The following USP47 variants were observed in gnomAD, a reference collection of about 807,000 sequenced individuals.
The protein encoded by USP47 is ubiquitin carboxyl-terminal hydrolase 47.
USP47 carries 35 observed loss-of-function variants against 165.1 expected under a neutral mutation model. The observed-to-expected ratio is 0.21, with a 90% CI of 0.16 to 0.28. The LOEUF is 0.28. USP47 is among the 10% of genes least tolerant of loss of function. The pLI is 1.00. For missense variants in USP47, 1,277 were observed against 1,607.4 expected, an observed-to-expected ratio of 0.79 and a Z score of 3.52; for synonymous variants, 531 against 544.5, an observed-to-expected ratio of 0.98 and a Z score of 0.35.
At chr11:11,932,604 A>C (rs1048333946) in intron 14 of USP47, among the ~76,000 whole-genome samples, 1 of 152,194 alleles carries the variant, frequency 6.6e-6, no homozygotes, top group African/African-American at 2.4e-5. Flanking sequence ...GATGATATTA[A>C]TAAGCTGAAG....
intron 1 of USP47, among the ~76,000 whole-genome samples, chr11:11,852,416 G>C (rs566750077): frequency 2.0e-5 from 3 of 152,122 alleles, no homozygotes; most frequent in African/African-American, 7.2e-5. Flanking sequence ...ATTTTTGCCA[G>C]GGGGTGCTTT....
chr11:11,920,395 C>T lies in USP47; in HGVS notation c.1119C>T (p.Phe373=), dbSNP rs1853743530. The change falls in exon 10 of 28, where the codon TTC becomes TTT. Residue 373 remains phenylalanine, a synonymous_variant. Transcript: ENST00000527733. ...TGCTGACCTTACAGCTGAAAAGATTCGATTTTGATTATACAACCATGCATA... is the reference window on the plus strand; with the variant it reads ...TGCTGACCTTACAGCTGAAAAGATTTGATTTTGATTATACAACCATGCATA... ...PYLLTLQLKR[F]DFDYTTMHRI... The T allele has an allele frequency of 4.3e-6, 7 of 1,610,804 alleles. No individual in the cohort carries two copies. The highest frequency in any genetic ancestry group is 1.1e-5 in the South Asian group (1 of 90,686).
chr11:11,891,907 G>T, intron 3 of USP47, 61 bp from the exon 4 acceptor site: 2 of 1,560,294 alleles, frequency 1.3e-6, no homozygotes, highest in South Asian at 1.2e-5. Flanking sequence ...AGGAAATGGT[G>T]AATGCTGTTG....
At chr11:11,920,595 T>A in intron 10 of USP47, 101 bp downstream of exon 10, 1 of 1,087,958 alleles carries the variant, frequency 9.2e-7, no homozygotes. Context: ...TCATTTGGAC[T>A]GTCTTCTTGA....
At chr11:11,911,310 C>T (rs1455798241) in intron 8 of USP47, among the ~76,000 whole-genome samples, 1 of 152,002 alleles carries the variant, frequency 6.6e-6, no homozygotes, top group Non-Finnish European at 1.5e-5. Context: ...TCATTAAAGT[C>T]CTGAAAGGAG....
chr11:11,914,572 G>C (rs1564877313), intron 8 of USP47, among the ~76,000 whole-genome samples: 1 of 152,064 alleles, frequency 6.6e-6, no homozygotes, highest in Non-Finnish European at 1.5e-5. Flanking sequence ...TTTACTCTCT[G>C]AAAGCCCATA....
At chr11:11,877,575 G>A (rs1850517896) in intron 1 of USP47, among the ~76,000 whole-genome samples, 1 of 151,936 alleles carries the variant, frequency 6.6e-6, no homozygotes. Context: ...ATAAAGTCTT[G>A]GAGACAATAA....
intron 25 of USP47, 86 bp downstream of exon 25, chr11:11,952,957 A>C: frequency 2.9e-6 from 3 of 1,032,868 alleles, no homozygotes; most frequent in African/African-American, 1.7e-5. Context: ...TAAACAATAC[A>C]TTCTTCCTGT....
intron 25 of USP47, 142 bp downstream of exon 25, chr11:11,953,013 G>T (rs1261133719): frequency 3.2e-6 from 2 of 621,578 alleles, no homozygotes; most frequent in Non-Finnish European, 2.1e-6. Context: ...CACTGGTGCA[G>T]CAACCTTTCT....
At chr11:11,944,447 G>A (rs558950531) in intron 20 of USP47, among the ~76,000 whole-genome samples, 4 of 152,104 alleles carry the variant, frequency 2.6e-5, no homozygotes, top group Admixed American at 1.3e-4. Context: ...GTATGAAAAC[G>A]TGGATTGGCA....
chr11:11,928,660 T>TA (rs1182218939), intron 11 of USP47, among the ~76,000 whole-genome samples: 1 of 152,070 alleles, frequency 6.6e-6, no homozygotes. Flanking sequence ...GTGATAGAGT[T>TA]ACTGGTTTGC....
intron 1 of USP47, among the ~76,000 whole-genome samples, chr11:11,866,275 T>C (rs1205069265): frequency 6.6e-6 from 1 of 152,206 alleles, no homozygotes; most frequent in Non-Finnish European, 1.5e-5. Flanking sequence ...AATTTTACTA[T>C]TAAACTGGGA....
chr11:11,841,986 T>C lies in USP47; in HGVS notation c.-200T>C. On this transcript the variant is annotated 5_prime_UTR_variant, in exon 1 of 28. Coordinates refer to ENST00000527733, the MANE Select transcript of USP47 (RefSeq NM_001282659.2). ...GAGGGGCCGACGACGAAGGCGGCTG[T>C]GGTAGCGGCGGCGGCGGCGGCGGAG... is the stretch of plus-strand genomic sequence containing the variant. The C allele has an allele frequency of 1.9e-6, 1 of 538,808 alleles. No homozygotes were observed. Among genetic ancestry groups the C allele is most frequent in the Non-Finnish European group, 3.2e-6 (1 of 311,760 alleles). The allele number at this position is 538,808 out of a possible 1,614,324, so 33.4% of individuals were successfully genotyped here.
chr11:11,940,244 G>A (rs12276524), intron 18 of USP47, among the ~76,000 whole-genome samples, 185 bp from the exon 19 acceptor site: 358 of 152,120 alleles, frequency 2.4e-3, no homozygotes, highest in African/African-American at 8.1e-3. Flanking sequence ...CTGATTTGCA[G>A]TATAATTTAT....
At chr11:11,843,743 A>G (rs1848274860) in intron 1 of USP47, among the ~76,000 whole-genome samples, 1 of 152,238 alleles carries the variant, frequency 6.6e-6, no homozygotes, top group African/African-American at 2.4e-5. Context: ...AACTTGATTT[A>G]TAGAAAACAT....
rs1302989250 is a variant in USP47 at position 11,926,225 on chromosome 11, T to C, written c.1387-3209T>C. ...AATGAGTTTGGAAGTTTTTCTCCTT[T>C]TTACTTTTTCAGAAAGTTTGAGAAG... is the stretch of plus-strand genomic sequence containing the variant. On this transcript the variant is annotated intron_variant, in intron 11 of 27. Transcript: ENST00000527733. Among the ~76,000 whole-genome samples, 5 of 152,186 alleles carry C rather than the reference T, an allele frequency of 3.3e-5. No homozygotes were observed. The South Asian group carries it at 6.2e-4, about 19-fold the overall frequency.
At chr11:11,954,208 C>T (rs921027983) in intron 25 of USP47, among the ~76,000 whole-genome samples, 2 of 152,070 alleles carry the variant, frequency 1.3e-5, no homozygotes, top group Non-Finnish European at 2.9e-5. Context: ...CAAGATTGCA[C>T]CACTGCACTC....
intron 8 of USP47, among the ~76,000 whole-genome samples, chr11:11,907,112 T>G (rs1356145703): frequency 6.6e-6 from 1 of 152,206 alleles, no homozygotes; most frequent in Non-Finnish European, 1.5e-5. Context: ...TGTCATTATT[T>G]ATTCACCTGC....
chr11:11,956,342 G>A lies in USP47; in HGVS notation c.*167G>A, dbSNP rs968897686. The A allele has an allele frequency of 2.7e-5, 15 of 559,356 alleles. No individual in the cohort carries two copies. The highest frequency in any genetic ancestry group is 4.3e-5 in the Non-Finnish European group (14 of 323,552). 34.6% of individuals were successfully genotyped at this position (559,356 alleles called of 1,614,324 possible). On this transcript the variant is annotated 3_prime_UTR_variant, in exon 28 of 28. Transcript: ENST00000527733. ...GAAGCTCAGTGCCCAATGGGCCACT[G>A]TTTTGACTCGGAATCATGTTGTGCA...
Sources: gnomAD v4.1 joint callset for allele counts (sites outside exome capture counted in the v4.1 genomes callset) on GRCh38, gnomAD v4.1.1 for gene constraint, MANE v1.5 for transcripts, NCBI Gene and HGNC (gene_info 2026-07-23, HGNC 2026-07-21) for gene names.